Variants in RPL26L1 observed in about 807,000 individuals in gnomAD.
RPL26L1 encodes the protein ribosomal protein L26 like 1.
Under a neutral mutation model 15.2 loss-of-function variants are expected in RPL26L1, and 8 were observed. The ratio of observed to expected loss-of-function variants is 0.53; its 90% CI spans 0.31 to 0.95. RPL26L1 has a LOEUF of 0.95. RPL26L1 is among the 40% of genes least tolerant of loss of function. The pLI is 0.05. For synonymous variants in RPL26L1, 51 were observed against 65.9 expected (o/e 0.77, Z 1.09); for missense variants, 146 against 190.9 (o/e 0.76, Z 1.39).
rs144097827 is a variant in RPL26L1 at position 172,969,435 on chromosome 5, T to C, written c.332T>C (p.Leu111Pro). ...PSKVVITRLK[L>P]DKDRKKILER... Reference sequence around the variant, plus strand: ...CAGGTGGTTATCACCAGGCTAAAACTGGACAAGGATCGGAAAAAAATTCTT... The same window carrying C: ...CAGGTGGTTATCACCAGGCTAAAACCGGACAAGGATCGGAAAAAAATTCTT... Residue 111 changes from leucine (L) to proline (P), a missense_variant, in exon 4 of 4, where the codon CTG becomes CCG. Physicochemically the swap from Leu to Pro is moderately conservative, Grantham distance 98 (BLOSUM62 -3). Coordinates refer to ENST00000265100, the MANE Select transcript of RPL26L1 (RefSeq NM_016093.4). The C allele has an allele frequency of 4.3e-6, 7 of 1,613,612 alleles. No individual in the cohort carries two copies. In the African/African-American group the frequency reaches 8.0e-5, roughly 18 times the overall value.
chr5:172,958,847 C>CGGGGTCTAGGAGAGAGGGGA, upstream of RPL26L1: 1 of 56,494 alleles, frequency 1.8e-5, no homozygotes, highest in Non-Finnish European at 4.0e-5. Context: ...ATGAGAGGGG[C>CGGGGTCTAGGAGAGAGGGGA]GGGGTCTAGG....
chr5:172,964,925 T>G (rs911068156), intron 2 of RPL26L1, among the ~76,000 whole-genome samples: 1 of 152,208 alleles, frequency 6.6e-6, no homozygotes, highest in Non-Finnish European at 1.5e-5. Flanking sequence ...GGCTCACGCC[T>G]GTAATCTCAA....
At chr5:172,954,336 G>C (rs1724217450), upstream of RPL26L1, among the ~76,000 whole-genome samples, 1 of 152,158 alleles carries the variant, frequency 6.6e-6, no homozygotes, top group South Asian at 2.1e-4. Context: ...GGGAGGCTGA[G>C]GTGAGAGGAT....
Position 172,968,803 on chromosome 5 carries a change from C to CTTTTTTTTTTT in RPL26L1, c.309+217_309+227dup, listed in dbSNP as rs539398008. Among the ~76,000 whole-genome samples the CTTTTTTTTTTT allele has an allele frequency of 1.7e-4, 13 of 74,364 alleles. 3 individuals carry two copies. In the South Asian group the frequency reaches 3.3e-3, roughly 19 times the overall value. 48.8% of individuals were successfully genotyped at this position (74,364 alleles called of 152,430 possible). A position where few individuals can be genotyped will look rare whatever the true frequency, so the allele number is the denominator to read the frequency against. On this transcript the variant is annotated intron_variant, in intron 3 of 3. Coordinates refer to ENST00000265100, the MANE Select transcript of RPL26L1 (RefSeq NM_016093.4). ...TTGCCTTTCTTGGTGATGGCTGTGT[C>CTTTTTTTTTTT]TTTTTTTTTTTTTTTTTTTTTTTGA...
At chr5:172,967,101 G>A (rs547217863) in intron 2 of RPL26L1, among the ~76,000 whole-genome samples, 1 of 151,626 alleles carries the variant, frequency 6.6e-6, no homozygotes, top group African/African-American at 2.4e-5. Context: ...TGATCCACCG[G>A]CTTTGGCCTC....
upstream of RPL26L1, chr5:172,954,952 G>A (rs1482608940): frequency 2.2e-6 from 1 of 450,776 alleles, no homozygotes; most frequent in African/African-American, 2.1e-5. Flanking sequence ...GGTCCAGGCA[G>A]AAATGGCTTC....
At chr5:172,960,150 C>A in intron 2 of RPL26L1, 109 bp downstream of exon 2, 1 of 1,307,368 alleles carries the variant, frequency 7.6e-7, no homozygotes, top group Non-Finnish European at 1.1e-6. Context: ...GTAGTGTGAC[C>A]CTTCAGATGT....
At chr5:172,969,024 T>C (rs1057459278) in intron 3 of RPL26L1, among the ~76,000 whole-genome samples, 1 of 151,924 alleles carries the variant, frequency 6.6e-6, no homozygotes, top group African/African-American at 2.4e-5. Context: ...GCCAGGATGG[T>C]CTCGATCTCC....
intron 1 of RPL26L1, 179 bp downstream of exon 1, chr5:172,959,647 C>G: frequency 8.3e-7 from 1 of 1,207,990 alleles, no homozygotes; most frequent in Non-Finnish European, 1.1e-6. Context: ...CTACCCTCTC[C>G]CCCACGACCC....
chr5:172,957,661 G>T, upstream of RPL26L1: 1 of 225,584 alleles, frequency 4.4e-6, no homozygotes, highest in East Asian at 1.3e-4. Context: ...ACTCCTTGGG[G>T]CAGGGCATGG....
intron 2 of RPL26L1, among the ~76,000 whole-genome samples, chr5:172,966,716 T>C (rs905155383): frequency 2.6e-5 from 4 of 152,200 alleles, no homozygotes; most frequent in African/African-American, 9.6e-5. Flanking sequence ...CACTGAGATA[T>C]GATTGTCCTC....
At chr5:172,957,445 C>G, upstream of RPL26L1, 1 of 356,764 alleles carries the variant, frequency 2.8e-6, no homozygotes. Flanking sequence ...AGGCTCTGAA[C>G]TTCTTGGGAG....
chr5:172,966,086 T>G (rs1437909183), intron 2 of RPL26L1, among the ~76,000 whole-genome samples: 1 of 152,186 alleles, frequency 6.6e-6, no homozygotes, highest in Admixed American at 6.5e-5. Context: ...CCTGTCTTCC[T>G]CTTCACTATG....
upstream of RPL26L1, among the ~76,000 whole-genome samples, chr5:172,954,593 G>C (rs1216698107): frequency 1.3e-5 from 2 of 151,830 alleles, no homozygotes; most frequent in African/African-American, 4.8e-5. Flanking sequence ...GAGAAAGAGA[G>C]AGGGAGGGAG....
intron 2 of RPL26L1, among the ~76,000 whole-genome samples, chr5:172,966,014 C>G (rs1052405570): frequency 5.3e-5 from 8 of 152,230 alleles, no homozygotes; most frequent in African/African-American, 1.9e-4. Flanking sequence ...GAGTATCATC[C>G]TTCCCTCTTC....
upstream of RPL26L1, among the ~76,000 whole-genome samples, chr5:172,954,592 A>G (rs921820241): frequency 6.6e-6 from 1 of 151,204 alleles, no homozygotes; most frequent in Admixed American, 6.6e-5. Flanking sequence ...AGAGAAAGAG[A>G]GAGGGAGGGA....
rs553147276 is a variant in RPL26L1, at chr5:172,959,949, C to A, written c.76C>A (p.Arg26Ser). The A allele has an allele frequency of 1.5e-5, 24 of 1,614,204 alleles. No homozygotes were observed. The South Asian group carries it at 2.5e-4, about 17-fold the overall frequency. Residue 26 changes from arginine (R) to serine (S), a missense_variant, in exon 2 of 4, where the codon CGC becomes AGC. Arg to Ser is a moderately radical substitution (Grantham distance 110). Coordinates refer to ENST00000265100, the MANE Select transcript of RPL26L1 (RefSeq NM_016093.4). ...KRHFNAPSHV[R>S]RKIMSSPLSK... Reference sequence around the variant, plus strand: ...TCACTTCAATGCCCCCTCACACGTGCGCAGGAAGATCATGTCATCCCCGCT... The same window carrying A: ...TCACTTCAATGCCCCCTCACACGTGAGCAGGAAGATCATGTCATCCCCGCT...
At chr5:172,960,915 TG>T (rs1331863848) in intron 2 of RPL26L1, among the ~76,000 whole-genome samples, 2 of 95,000 alleles carry the variant, frequency 2.1e-5, no homozygotes, top group African/African-American at 8.6e-5. Flanking sequence ...TTGTGGGGGG[TG>T]GGGGGTGGGG....
intron 2 of RPL26L1, among the ~76,000 whole-genome samples, chr5:172,964,007 A>G (rs1005590022): frequency 1.3e-5 from 2 of 152,212 alleles, no homozygotes; most frequent in Non-Finnish European, 2.9e-5. Flanking sequence ...GAGAAGGGTC[A>G]GTCAATATTT....
Sources: allele counts gnomAD v4.1 joint callset (sites outside exome capture counted in the v4.1 genomes callset), GRCh38; gene constraint gnomAD v4.1.1; transcripts MANE v1.5; gene names NCBI Gene and HGNC (gene_info 2026-07-23, HGNC 2026-07-21).